The following TRIM5 variants were observed in gnomAD, a reference collection of about 807,000 sequenced individuals.
TRIM5 encodes tripartite motif-containing protein 5.
A neutral mutation model predicts 35.6 loss-of-function variants in TRIM5; 31 were observed. The ratio of observed to expected loss-of-function variants is 0.87; its 90% CI spans 0.65 to 1.18. TRIM5 has a LOEUF of 1.18. Ranked by LOEUF, TRIM5 falls within the 50% of genes most tolerant of loss-of-function variation. The pLI is 0.00. For synonymous variants in TRIM5, 243 were observed against 215.6 expected (o/e 1.13, Z -1.11); for missense variants, 609 against 591.6 (o/e 1.03, Z -0.31).
intron 4 of TRIM5, among the ~76,000 whole-genome samples, chr11:5,671,495 A>G (rs1363017819): frequency 6.6e-6 from 1 of 152,146 alleles, no homozygotes; most frequent in African/African-American, 2.4e-5. Flanking sequence ...CTCGAGAGAT[A>G]GAAATGATAA....
the TRIM5 span, among the ~76,000 whole-genome samples, chr11:5,628,066 C>T: frequency 1.3e-5 from 2 of 152,212 alleles, no homozygotes; most frequent in African/African-American, 2.4e-5. Flanking sequence ...CTGACTGCTG[C>T]TGGGCTTGAG....
chr11:5,623,627 G>A, the TRIM5 span, among the ~76,000 whole-genome samples: 5 of 149,020 alleles, frequency 3.4e-5, no homozygotes, highest in Non-Finnish European at 7.4e-5. Context: ...TGATCCGCCC[G>A]CCTCAACCTC....
At chr11:5,613,445 C>T in the TRIM5 span, among the ~76,000 whole-genome samples, 277 of 152,238 alleles carry the variant, frequency 1.8e-3, no homozygotes, top group African/African-American at 6.1e-3. Flanking sequence ...TTCTAAGGCA[C>T]CGTTTTATAA....
At chr11:5,634,504 C>T in the TRIM5 span, 5 of 415,506 alleles carry the variant, frequency 1.2e-5, no homozygotes, top group African/African-American at 7.0e-5. Context: ...CACACACACA[C>T]ACACACACAC....
chr11:5,610,079 G>T, the TRIM5 span: 2 of 1,552,534 alleles, frequency 1.3e-6, no homozygotes, highest in African/African-American at 1.4e-5. Context: ...TGGGAGGTAA[G>T]GGAGATGGGT....
chr11:5,676,401 GAC>G (rs1469433840), intron 4 of TRIM5, among the ~76,000 whole-genome samples: 1 of 151,902 alleles, frequency 6.6e-6, no homozygotes, highest in Non-Finnish European at 1.5e-5. Flanking sequence ...ACTTACAAGG[GAC>G]GTGAAGGACT....
At chr11:5,605,559 C>G in the TRIM5 span, 1 of 1,611,840 alleles carries the variant, frequency 6.2e-7, no homozygotes. Context: ...AACAATGGAG[C>G]TGCTGCAGGT....
the TRIM5 span, among the ~76,000 whole-genome samples, chr11:5,616,194 A>G: frequency 9.5e-6 from 1 of 104,932 alleles, no homozygotes; most frequent in African/African-American, 3.6e-5. Flanking sequence ...TTCGTGATCC[A>G]CCCGCCTCGG....
Position 5,664,668 on chromosome 11 carries a change from A to G in TRIM5, c.*141T>C. On this transcript the variant is annotated 3_prime_UTR_variant, in exon 8 of 8. Coordinates refer to ENST00000380034, the MANE Select transcript of TRIM5 (RefSeq NM_033034.3). ...TGGCACAAGGCAATTATTACATTTT[A>G]CTGATGAGTGAAGGACGTTCAAATA... The G allele has an allele frequency of 7.0e-7, 1 of 1,418,860 alleles. No homozygotes were observed. The highest frequency in any genetic ancestry group is 9.2e-7 in the Non-Finnish European group (1 of 1,091,020). The allele number at this position is 1,418,860 out of a possible 1,614,324, so 87.9% of individuals were successfully genotyped here.
At chr11:5,641,678 C>T in the TRIM5 span, among the ~76,000 whole-genome samples, 4 of 152,134 alleles carry the variant, frequency 2.6e-5, no homozygotes, top group Non-Finnish European at 5.9e-5. Flanking sequence ...AGCCTCAGGA[C>T]GGTAGCTGTG....
At chr11:5,644,421 G>A in the TRIM5 span, 1 of 395,186 alleles carries the variant, frequency 2.5e-6, no homozygotes, top group Non-Finnish European at 4.5e-6. Flanking sequence ...GTAATGTCCT[G>A]TGCAATAGTT....
the TRIM5 span, among the ~76,000 whole-genome samples, chr11:5,651,415 TA>T: frequency 6.6e-6 from 1 of 152,186 alleles, no homozygotes; most frequent in Non-Finnish European, 1.5e-5. Context: ...CACCCTCAAG[TA>T]GGCTCCGATG....
the TRIM5 span, chr11:5,632,472 G>A: frequency 6.2e-7 from 1 of 1,614,072 alleles, no homozygotes; most frequent in Non-Finnish European, 8.5e-7. Flanking sequence ...AGGAGGCAGT[G>A]ACCAGCATGG....
At position 5,664,753 on chromosome 11, in the gene TRIM5, T is replaced by C; in HGVS notation, c.*56A>G. ...AATGATGCAAATGAGTTCAGGTGTATGAGATGCACCTGGACAAGAGGTGCT... is the reference window on the plus strand; with the variant it reads ...AATGATGCAAATGAGTTCAGGTGTACGAGATGCACCTGGACAAGAGGTGCT... On this transcript the variant is annotated 3_prime_UTR_variant, in exon 8 of 8. Transcript: ENST00000380034. 1 of 1,519,446 alleles carries C rather than the reference T, an allele frequency of 6.6e-7. No homozygotes were observed. Among genetic ancestry groups the C allele is most frequent in the Non-Finnish European group, 8.8e-7 (1 of 1,138,484 alleles). 94.1% of individuals were successfully genotyped at this position (1,519,446 alleles called of 1,614,324 possible).
At chr11:5,627,100 G>T in the TRIM5 span, among the ~76,000 whole-genome samples, 9 of 151,958 alleles carry the variant, frequency 5.9e-5, no homozygotes, top group Admixed American at 5.2e-4. Flanking sequence ...AGTGATGGGT[G>T]GGCACAGTAG....
chr11:5,643,126 T>TTTATA, the TRIM5 span: 1 of 1,115,534 alleles, frequency 9.0e-7, no homozygotes, highest in Non-Finnish European at 1.2e-6. Flanking sequence ...TATATATATA[T>TTTATA]TTTTTTTTTT....
At chr11:5,624,329 A>C in the TRIM5 span, among the ~76,000 whole-genome samples, 6 of 152,166 alleles carry the variant, frequency 3.9e-5, no homozygotes, top group Admixed American at 2.6e-4. Flanking sequence ...ACCCCTTTTA[A>C]AGATTTAGAG....
At chr11:5,615,745 C>T in the TRIM5 span, among the ~76,000 whole-genome samples, 6 of 151,800 alleles carry the variant, frequency 4.0e-5, no homozygotes, top group African/African-American at 1.4e-4. Flanking sequence ...AGGCACCTGC[C>T]ACCACGTCCG....
chr11:5,667,737 T>G (rs1346355116), intron 4 of TRIM5, 26 bp from the exon 5 acceptor site: 2 of 1,612,462 alleles, frequency 1.2e-6, no homozygotes. Context: ...AAAACATCAA[T>G]TAAGAAAGAA....
Sources: gnomAD v4.1 joint callset for allele counts (sites outside exome capture counted in the v4.1 genomes callset) on GRCh38, gnomAD v4.1.1 for gene constraint, MANE v1.5 for transcripts, NCBI Gene and HGNC (gene_info 2026-07-23, HGNC 2026-07-21) for gene names.